Variants in NOX4 observed in about 807,000 individuals in gnomAD.
The protein encoded by NOX4 is NADPH oxidase 4.
NOX4 carries 69 observed loss-of-function variants against 87.6 expected under a neutral mutation model. That is an observed-to-expected ratio of 0.79 (90% CI 0.65 to 0.96). NOX4 has a LOEUF of 0.96. Ranked by LOEUF, NOX4 falls within the 40% of genes least tolerant of loss-of-function variation. The pLI, the probability that NOX4 is intolerant of heterozygous loss-of-function variation, is 0.00. For synonymous variants in NOX4, 275 were observed against 238.2 expected, an observed-to-expected ratio of 1.15 and a Z score of -1.42; for missense variants, 680 against 681.5, an observed-to-expected ratio of 1.00 and a Z score of 0.02.
At chr11:89,522,573 A>G in the NOX4 span, among the ~76,000 whole-genome samples, 1 of 152,126 alleles carries the variant, frequency 6.6e-6, no homozygotes, top group South Asian at 2.1e-4. Flanking sequence ...GATCATTTGT[A>G]CCCCAAAACT....
intron 8 of NOX4, among the ~76,000 whole-genome samples, chr11:89,415,319 T>C (rs1322851170): frequency 6.6e-6 from 1 of 152,088 alleles, no homozygotes; most frequent in Non-Finnish European, 1.5e-5. Context: ...TCAAGTTCTT[T>C]TTCCAGTAGC....
chr11:89,415,653 T>A (rs2135241499), intron 8 of NOX4, among the ~76,000 whole-genome samples: 1 of 152,248 alleles, frequency 6.6e-6, no homozygotes, highest in South Asian at 2.1e-4. Context: ...AATCCCTGAA[T>A]CCATTCAATT....
intron 11 of NOX4, among the ~76,000 whole-genome samples, chr11:89,384,023 T>C (rs545999655): frequency 2.6e-5 from 4 of 152,248 alleles, no homozygotes; most frequent in African/African-American, 9.6e-5. Flanking sequence ...CACTCGCCTG[T>C]TACAGCATGG....
At chr11:89,347,261 C>T (rs1451280347) in intron 13 of NOX4, among the ~76,000 whole-genome samples, 1 of 152,166 alleles carries the variant, frequency 6.6e-6, no homozygotes, top group Non-Finnish European at 1.5e-5. Flanking sequence ...CCCAGAGCCA[C>T]CTCTACCAGA....
chr11:89,355,329 A>G (rs1004673012), intron 12 of NOX4, among the ~76,000 whole-genome samples: 33 of 147,634 alleles, frequency 2.2e-4, no homozygotes, highest in African/African-American at 7.8e-4. Context: ...ATATTCATAT[A>G]TATATTTTAA....
At chr11:89,335,619 A>T (rs76312364) in intron 17 of NOX4, among the ~76,000 whole-genome samples, 1 of 151,832 alleles carries the variant, frequency 6.6e-6, no homozygotes, top group Non-Finnish European at 1.5e-5. Context: ...AGTTTAGCTC[A>T]TAAATACACT....
intron 12 of NOX4, among the ~76,000 whole-genome samples, chr11:89,367,834 C>G (rs1046652053): frequency 2.6e-5 from 4 of 152,064 alleles, no homozygotes; most frequent in Non-Finnish European, 5.9e-5. Flanking sequence ...GGATGCCACC[C>G]CAGCCAGGCC....
intron 8 of NOX4, among the ~76,000 whole-genome samples, chr11:89,410,328 T>C (rs1942408433): frequency 6.6e-6 from 1 of 152,194 alleles, no homozygotes; most frequent in Non-Finnish European, 1.5e-5. Flanking sequence ...TTATCCTTTA[T>C]TGTCATCTGT....
chr11:89,489,186 AT>A (rs1047534593), intron 2 of NOX4, among the ~76,000 whole-genome samples: 1 of 152,200 alleles, frequency 6.6e-6, no homozygotes, highest in African/African-American at 2.4e-5. Context: ...ATATGTGCCA[AT>A]CACTAGTCTG....
upstream of NOX4, among the ~76,000 whole-genome samples, chr11:89,500,596 G>A (rs548322387): frequency 5.3e-5 from 8 of 152,136 alleles, no homozygotes; most frequent in Non-Finnish European, 1.2e-4. Context: ...GTGAGCAGAA[G>A]AGATGTGTAT....
At chr11:89,507,493 A>G in the NOX4 span, among the ~76,000 whole-genome samples, 1 of 151,576 alleles carries the variant, frequency 6.6e-6, no homozygotes, top group Non-Finnish European at 1.5e-5. Flanking sequence ...TAATACACAT[A>G]TACACACAGA....
At chr11:89,467,831 G>T (rs1373114311) in intron 2 of NOX4, among the ~76,000 whole-genome samples, 1 of 152,148 alleles carries the variant, frequency 6.6e-6, no homozygotes, top group Non-Finnish European at 1.5e-5. Context: ...ATTTGGCGAT[G>T]ATTATTCTCA....
intron 13 of NOX4, among the ~76,000 whole-genome samples, chr11:89,354,159 C>T (rs769209640): frequency 2.0e-5 from 3 of 152,052 alleles, no homozygotes; most frequent in Non-Finnish European, 2.9e-5. Flanking sequence ...TATGTATAAA[C>T]CAAATTCTAT....
chr11:89,489,984 G>A (rs544301945), intron 2 of NOX4, among the ~76,000 whole-genome samples: 1 of 152,240 alleles, frequency 6.6e-6, no homozygotes, highest in East Asian at 1.9e-4. Context: ...CCCAAAGCAA[G>A]CACTGAGAAC....
At chr11:89,516,529 T>C in the NOX4 span, among the ~76,000 whole-genome samples, 1 of 152,062 alleles carries the variant, frequency 6.6e-6, no homozygotes, top group Non-Finnish European at 1.5e-5. Context: ...CTGAACTCCA[T>C]ACTGCTGAGG....
intron 2 of NOX4, among the ~76,000 whole-genome samples, chr11:89,462,572 T>G (rs528051279): frequency 6.6e-6 from 1 of 152,018 alleles, no homozygotes; most frequent in South Asian, 2.1e-4. Context: ...CAATTATACA[T>G]ATATAGATGG....
At chr11:89,432,690 C>A in intron 7 of NOX4, 94 bp downstream of exon 7, 1 of 845,654 alleles carries the variant, frequency 1.2e-6, no homozygotes, top group Non-Finnish European at 2.0e-6. Flanking sequence ...GTCCATTAAC[C>A]AGGACACTAC....
intron 8 of NOX4, among the ~76,000 whole-genome samples, chr11:89,405,012 C>T (rs567310871): frequency 6.6e-6 from 1 of 151,554 alleles, no homozygotes; most frequent in African/African-American, 2.4e-5. Flanking sequence ...CCCTATGTCA[C>T]GCAAAGCAAA....
chr11:89,544,756 G>A, the NOX4 span, among the ~76,000 whole-genome samples: 1 of 151,718 alleles, frequency 6.6e-6, no homozygotes, highest in South Asian at 2.1e-4. Context: ...TTTGCTGTAT[G>A]TCATACAGCA....
Sources: gnomAD v4.1 joint callset for allele counts (sites outside exome capture counted in the v4.1 genomes callset) on GRCh38, gnomAD v4.1.1 for gene constraint, MANE v1.5 for transcripts, NCBI Gene and HGNC (gene_info 2026-07-23, HGNC 2026-07-21) for gene names.